Variants in EVI5 observed in about 807,000 individuals in gnomAD.
EVI5 encodes the protein ecotropic viral integration site 5 protein homolog.
Under a neutral mutation model 112.0 loss-of-function variants are expected in EVI5, and 73 were observed. The observed-to-expected ratio is 0.65, with a 90% CI of 0.54 to 0.79. The LOEUF (loss-of-function observed/expected upper bound fraction) is 0.79, where lower values mean the gene tolerates loss of function less well. Among genes scored for constraint, EVI5 ranks in the 30% least tolerant of loss-of-function variants. The pLI, the probability that EVI5 is intolerant of heterozygous loss-of-function variation, is 0.00. For missense variants in EVI5, 900 were observed against 968.8 expected, an observed-to-expected ratio of 0.93 and a Z score of 0.94; for synonymous variants, 305 against 319.9, an observed-to-expected ratio of 0.95 and a Z score of 0.50.
rs1671488955 is a variant in EVI5, at chr1:92,703,337, AT to A, written c.564+57del. Reference sequence around the variant, plus strand: ...GGTCATGCTTCATCATGAAAAATGTATAATTTCAACCTTCCAGGAATTCATT... The same window carrying A: ...GGTCATGCTTCATCATGAAAAATGTAAATTTCAACCTTCCAGGAATTCATT... On this transcript the variant is annotated intron_variant, in intron 4 of 19. Coordinates refer to ENST00000684568, the MANE Select transcript of EVI5 (RefSeq NM_001350197.2). The A allele has an allele frequency of 1.1e-5, 12 of 1,055,822 alleles. No individual in the cohort carries two copies. In the South Asian group the frequency reaches 1.8e-4, roughly 16 times the overall value. The allele number at this position is 1,055,822 out of a possible 1,614,324, so 65.4% of individuals were successfully genotyped here. A position where few individuals can be genotyped will look rare whatever the true frequency, so the allele number is the denominator to read the frequency against.
intron 1 of EVI5, among the ~76,000 whole-genome samples, chr1:92,750,420 T>A (rs1260272250): frequency 1.3e-5 from 2 of 152,174 alleles, no homozygotes; most frequent in Non-Finnish European, 1.5e-5. Flanking sequence ...AATGAATACA[T>A]GAAAACATAA....
chr1:92,792,135 T>A (rs1193952345), intron 1 of EVI5, among the ~76,000 whole-genome samples: 1 of 152,170 alleles, frequency 6.6e-6, no homozygotes, highest in African/African-American at 2.4e-5. Flanking sequence ...ACCTAACACT[T>A]CATAAATTTT....
chr1:92,534,216 C>T (rs1399024673), intron 19 of EVI5, among the ~76,000 whole-genome samples: 2 of 152,178 alleles, frequency 1.3e-5, no homozygotes, highest in Non-Finnish European at 2.9e-5. Context: ...GGGAATACAA[C>T]TTACAAGGGA....
chr1:92,642,647 T>G (rs955745246), intron 13 of EVI5, among the ~76,000 whole-genome samples: 1 of 152,242 alleles, frequency 6.6e-6, no homozygotes, highest in African/African-American at 2.4e-5. Flanking sequence ...AGTTTTAATT[T>G]TATTAACATT....
intron 18 of EVI5, among the ~76,000 whole-genome samples, chr1:92,564,518 T>C (rs1261826322): frequency 1.3e-5 from 2 of 152,150 alleles, no homozygotes; most frequent in Admixed American, 6.5e-5. Flanking sequence ...TAGCTCTCGA[T>C]GTGGACTGGA....
At chr1:92,739,799 G>A (rs559455882) in intron 1 of EVI5, among the ~76,000 whole-genome samples, 1 of 151,768 alleles carries the variant, frequency 6.6e-6, no homozygotes. Flanking sequence ...CATGGCTATG[G>A]TTAATTACTT....
chr1:92,733,460 G>A (rs1302708764), intron 2 of EVI5, among the ~76,000 whole-genome samples: 1 of 147,998 alleles, frequency 6.8e-6, no homozygotes, highest in Non-Finnish European at 1.5e-5. Context: ...AAGCTGGAAT[G>A]CAGTGGCATG....
At chr1:92,665,425 C>A (rs1426926965) in intron 11 of EVI5, among the ~76,000 whole-genome samples, 1 of 152,042 alleles carries the variant, frequency 6.6e-6, no homozygotes, top group Non-Finnish European at 1.5e-5. Flanking sequence ...GAAAATGTAA[C>A]AAGTAGATAC....
intron 2 of EVI5, among the ~76,000 whole-genome samples, chr1:92,733,818 T>C (rs1313470201): frequency 6.6e-6 from 1 of 152,206 alleles, no homozygotes; most frequent in Non-Finnish European, 1.5e-5. Flanking sequence ...TAGGTTATGC[T>C]GCAGTTAACA....
At position 92,666,536 on chromosome 1, in the gene EVI5, A is replaced by G. The variant is rs923085807; in HGVS notation, c.1159-544T>C. On this transcript the variant is annotated intron_variant, in intron 10 of 19. Coordinates refer to ENST00000684568, the MANE Select transcript of EVI5 (RefSeq NM_001350197.2). ...GTGGTGGAAGTTGTAGTGAGCCGAG[A>G]TTGGACCACTGTACTCCGGCCTGGG... 6.6e-5 allele frequency among the ~76,000 whole-genome samples: 8 copies of G among 120,686 alleles called. 1 individual carries two copies. Among genetic ancestry groups the G allele is most frequent in the Admixed American group, 5.9e-4 (6 of 10,220 alleles). 79.2% of individuals were successfully genotyped at this position (120,686 alleles called of 152,430 possible).
chr1:92,597,733 T>C (rs906569599), intron 18 of EVI5, among the ~76,000 whole-genome samples: 3 of 152,224 alleles, frequency 2.0e-5, no homozygotes, highest in African/African-American at 7.2e-5. Context: ...TGAATGACGG[T>C]TATGTACCAG....
chr1:92,555,354 A>C (rs961550152), intron 19 of EVI5, among the ~76,000 whole-genome samples: 1 of 152,212 alleles, frequency 6.6e-6, no homozygotes, highest in African/African-American at 2.4e-5. Flanking sequence ...AATTTTCTTA[A>C]AAGTTAAAAT....
chr1:92,700,954 A>G (rs1437677226), intron 5 of EVI5: 1 of 152,226 alleles, frequency 6.6e-6, no homozygotes, highest in Non-Finnish European at 1.5e-5. Context: ...TAATTTTGTT[A>G]AACAACTATA....
intron 13 of EVI5, chr1:92,647,648 C>T: frequency 3.1e-6 from 1 of 326,308 alleles, no homozygotes; most frequent in South Asian, 4.4e-5. Context: ...GCCATCCTGA[C>T]TAAATTGCTT....
Position 92,695,295 on chromosome 1 carries a change from T to C in EVI5, c.909+15A>G. On this transcript the variant is annotated intron_variant, in intron 7 of 19. Transcript: ENST00000684568. ...CTTTGCTCAGCTCCTGCTCTTTGTCTGCCCATTAGCTTACCTCAGACATAA... is the reference window on the plus strand; with the variant it reads ...CTTTGCTCAGCTCCTGCTCTTTGTCCGCCCATTAGCTTACCTCAGACATAA... 5 of 1,596,440 alleles carry C rather than the reference T, an allele frequency of 3.1e-6. No individual in the cohort carries two copies. The highest frequency in any genetic ancestry group is 4.3e-6 in the Non-Finnish European group (5 of 1,172,058).
intron 1 of EVI5, among the ~76,000 whole-genome samples, chr1:92,758,749 T>C (rs1681352974): frequency 6.6e-6 from 1 of 151,886 alleles, no homozygotes; most frequent in Non-Finnish European, 1.5e-5. Flanking sequence ...GTCAGAATAC[T>C]AAATTTGGGG....
At chr1:92,627,909 C>G (rs1209096819) in intron 14 of EVI5, among the ~76,000 whole-genome samples, 1 of 152,138 alleles carries the variant, frequency 6.6e-6, no homozygotes, top group Non-Finnish European at 1.5e-5. Context: ...CTGCCTCAGC[C>G]TCCCGAGTAG....
intron 18 of EVI5, among the ~76,000 whole-genome samples, chr1:92,596,831 T>TA (rs1240570092): frequency 4.6e-5 from 7 of 152,198 alleles, no homozygotes; most frequent in Admixed American, 2.0e-4. Context: ...CTGAGGTTGT[T>TA]AAAGACTATC....
At chr1:92,652,302 C>T (rs372155428) in intron 13 of EVI5, among the ~76,000 whole-genome samples, 2 of 152,016 alleles carry the variant, frequency 1.3e-5, no homozygotes, top group African/African-American at 4.8e-5. Flanking sequence ...TAAGCAAATT[C>T]ATAGAGACAG....
Sources: allele counts gnomAD v4.1 joint callset (sites outside exome capture counted in the v4.1 genomes callset), GRCh38; gene constraint gnomAD v4.1.1; transcripts MANE v1.5; gene names NCBI Gene and HGNC (gene_info 2026-07-23, HGNC 2026-07-21).